The following BRD1 variants were observed in gnomAD, a reference collection of about 807,000 sequenced individuals.
The protein encoded by BRD1 is bromodomain containing 1.
Under a neutral mutation model 107.7 loss-of-function variants are expected in BRD1, and 24 were observed. That is an observed-to-expected ratio of 0.22 (90% CI 0.16 to 0.31). BRD1 has a LOEUF of 0.31. Ranked by LOEUF, BRD1 falls within the 10% of genes least tolerant of loss-of-function variation. The pLI is 1.00. For missense variants in BRD1, 1,279 were observed against 1,638.6 expected, an observed-to-expected ratio of 0.78 and a Z score of 3.79; for synonymous variants, 744 against 686.1, an observed-to-expected ratio of 1.08 and a Z score of -1.32.
chr22:49,813,925 A>G (rs901783374), intron 2 of BRD1, among the ~76,000 whole-genome samples: 3 of 152,188 alleles, frequency 2.0e-5, no homozygotes, highest in African/African-American at 7.2e-5. Flanking sequence ...CAGACCCAGC[A>G]TGCACATGCC....
chr22:49,813,470 C>T (rs1037349834), intron 2 of BRD1, among the ~76,000 whole-genome samples: 3 of 151,768 alleles, frequency 2.0e-5, no homozygotes, highest in African/African-American at 7.3e-5. Context: ...GATCCGCCCC[C>T]CTTGGCCTCT....
intron 2 of BRD1, among the ~76,000 whole-genome samples, chr22:49,808,433 A>G (rs1461565037): frequency 6.6e-6 from 1 of 152,136 alleles, no homozygotes; most frequent in Admixed American, 6.5e-5. Flanking sequence ...AAAGACAAAT[A>G]CTGCCTGATT....
At chr22:49,788,848 A>G (rs937578744) in intron 7 of BRD1, among the ~76,000 whole-genome samples, 2 of 152,258 alleles carry the variant, frequency 1.3e-5, no homozygotes, top group African/African-American at 4.8e-5. Flanking sequence ...AATAATCCTT[A>G]GTATATATTA....
chr22:49,778,489 T>C (rs2059142830), intron 8 of BRD1, among the ~76,000 whole-genome samples: 1 of 152,192 alleles, frequency 6.6e-6, no homozygotes, highest in South Asian at 2.1e-4. Flanking sequence ...TCTCAATGTT[T>C]AAAAAATAAG....
intron 6 of BRD1, among the ~76,000 whole-genome samples, chr22:49,794,668 C>A (rs1010586656): frequency 2.0e-5 from 3 of 152,234 alleles, no homozygotes; most frequent in Non-Finnish European, 4.4e-5. Flanking sequence ...GCACGCTCCA[C>A]CAACCCAGCA....
At chr22:49,790,825 A>G (rs1209741945) in intron 7 of BRD1, among the ~76,000 whole-genome samples, 1 of 152,190 alleles carries the variant, frequency 6.6e-6, no homozygotes, top group Non-Finnish European at 1.5e-5. Flanking sequence ...TCCTTTCCTG[A>G]GGGCCACAGT....
Position 49,824,913 on chromosome 22 carries a change from G to T in BRD1, c.-14-582C>A. ...ATTCCTGCTGGGGCCAGGGGTAGGAGACAGATCACAGCCTGTCCATCCTCT... is the reference window on the plus strand; with the variant it reads ...ATTCCTGCTGGGGCCAGGGGTAGGATACAGATCACAGCCTGTCCATCCTCT... On this transcript the variant is annotated intron_variant, in intron 1 of 12. Transcript: ENST00000404760. This position sits in a 1 kb window ranked among gnomAD's most constrained non-coding sequence, Gnocchi z 5.9. 1 of 716,060 alleles carries T rather than the reference G, an allele frequency of 1.4e-6. No individual in the cohort carries two copies. The highest frequency in any genetic ancestry group is 1.7e-6 in the Non-Finnish European group (1 of 578,778). The allele number at this position is 716,060 out of a possible 1,614,324, so 44.4% of individuals were successfully genotyped here. A position where few individuals can be genotyped will look rare whatever the true frequency, so the allele number is the denominator to read the frequency against.
chr22:49,816,124 T>A (rs2059947065), intron 2 of BRD1, among the ~76,000 whole-genome samples: 1 of 152,158 alleles, frequency 6.6e-6, no homozygotes, highest in African/African-American at 2.4e-5. Context: ...CTTCAATCCA[T>A]GCCAGATACA....
intron 2 of BRD1, chr22:49,805,707 T>C (rs1373304513): frequency 3.3e-5 from 5 of 151,728 alleles, no homozygotes; most frequent in Non-Finnish European, 7.3e-5. Context: ...GTGCAGTCAA[T>C]AGCACAACAC....
chr22:49,774,850 C>G (rs756271361), intron 12 of BRD1, among the ~76,000 whole-genome samples: 1 of 152,206 alleles, frequency 6.6e-6, no homozygotes, highest in East Asian at 1.9e-4. Context: ...AGGCAGAGGT[C>G]GAGGCAAGGA....
At chr22:49,796,621 G>A (rs2059537233) in intron 6 of BRD1, among the ~76,000 whole-genome samples, 1 of 152,206 alleles carries the variant, frequency 6.6e-6, no homozygotes, top group Non-Finnish European at 1.5e-5. Context: ...GTATCCCAAA[G>A]TGCTGGGATT....
In BRD1 at chr22:49,776,056, C is replaced by A; in HGVS notation, c.3225G>T (p.Pro1075=). The A allele has an allele frequency of 6.2e-7, 1 of 1,601,352 alleles. No individual in the cohort carries two copies. Among genetic ancestry groups the A allele is most frequent in the Non-Finnish European group, 8.5e-7 (1 of 1,177,610 alleles). Residue 1075 remains proline (P), a synonymous_variant, in exon 11 of 13, where the codon CCG becomes CCT. Transcript: ENST00000404760. ...WAKCSGYPSY[P]ALIIDPKMPR... ...CCACGAGAGCCGTACTCACCAGTGC[C>A]GGGTAGGAGGGGTAGCCGCTGCACT...
rs1233442885 is a variant in BRD1 at position 49,783,374 on chromosome 22, A to G, written c.2857+4016T>C. ...AAGTAAGGGGAGAAGGAAATCAGGT[A>G]GAAAACCCAGAAATACAGAAGATGC... On this transcript the variant is annotated intron_variant, in intron 8 of 12. Coordinates refer to ENST00000404760, the MANE Select transcript of BRD1 (RefSeq NM_001304808.3). This position sits in a 1 kb window ranked among gnomAD's most constrained non-coding sequence, Gnocchi z 4.2. Among the ~76,000 whole-genome samples the G allele has an allele frequency of 6.6e-6, 1 of 152,258 alleles. No homozygotes were observed. The highest frequency in any genetic ancestry group is 1.5e-5 in the Non-Finnish European group (1 of 68,042).
Position 49,827,751 on chromosome 22 carries a change from G to A in BRD1, c.-269C>T, listed in dbSNP as rs959285698. Reference sequence around the variant, plus strand: ...CCCAGCTGGAGGCCCGGCTCGGGGGGCCCGGCCGGCGGGCGCGGGCGCGGG... The same window carrying A: ...CCCAGCTGGAGGCCCGGCTCGGGGGACCCGGCCGGCGGGCGCGGGCGCGGG... On this transcript the variant is annotated 5_prime_UTR_variant, in exon 1 of 13. Coordinates refer to ENST00000404760, the MANE Select transcript of BRD1 (RefSeq NM_001304808.3). 7.0e-6 allele frequency among the ~76,000 whole-genome samples: 1 copy of A among 143,730 alleles called. No homozygotes were observed. Among genetic ancestry groups the A allele is most frequent in the African/African-American group, 2.5e-5 (1 of 39,598 alleles). The allele number at this position is 143,730 out of a possible 152,430, so 94.3% of individuals were successfully genotyped here.
rs755515102 is a variant in BRD1 at position 49,823,459 on chromosome 22, C to A, written c.859G>T (p.Asp287Tyr). The A allele has an allele frequency of 6.2e-7, 1 of 1,609,904 alleles. No homozygotes were observed. Among genetic ancestry groups the A allele is most frequent in the Admixed American group, 1.7e-5 (1 of 60,018 alleles). Residue 287 changes from aspartate to tyrosine, a missense_variant, in exon 2 of 13, where the codon GAC (aspartate) becomes TAC (tyrosine). Physicochemically the swap from Asp to Tyr is radical, Grantham distance 160. This residue lies in a region of BRD1 where 158 missense variants were observed against 310.2 expected (regional missense o/e 0.51). Coordinates refer to ENST00000404760, the MANE Select transcript of BRD1 (RefSeq NM_001304808.3). ...GCACACACCACGTGACCCCAGCGGTCGTCATCTGTCTTTTTGAAGGCACCA... is the reference window on the plus strand; with the variant it reads ...GCACACACCACGTGACCCCAGCGGTAGTCATCTGTCTTTTTGAAGGCACCA... ...KGGAFKKTDDDRWGHVVCALW... is the reference protein window; with the variant it reads ...KGGAFKKTDDYRWGHVVCALW...
chr22:49,793,910 C>G (rs2059480212), intron 7 of BRD1, 124 bp downstream of exon 7: 8 of 1,341,306 alleles, frequency 6.0e-6, no homozygotes, highest in Non-Finnish European at 7.0e-6. Context: ...TTTTACGGAA[C>G]TGGCGCTAAC....
intron 7 of BRD1, among the ~76,000 whole-genome samples, chr22:49,788,719 CACA>C (rs922400691): frequency 3.9e-5 from 6 of 152,252 alleles, no homozygotes; most frequent in African/African-American, 9.6e-5. Context: ...GAGGCGACGC[CACA>C]ACAAGCCAAG....
At chr22:49,790,755 C>A (rs2059418906) in intron 7 of BRD1, among the ~76,000 whole-genome samples, 1 of 152,238 alleles carries the variant, frequency 6.6e-6, no homozygotes, top group Non-Finnish European at 1.5e-5. Flanking sequence ...CCGTCCTCTG[C>A]AATCCTGAAG....
chr22:49,821,904 C>T (rs1275075297), intron 2 of BRD1, among the ~76,000 whole-genome samples: 2 of 152,238 alleles, frequency 1.3e-5, no homozygotes, highest in African/African-American at 2.4e-5. Context: ...ACCGGCAGGC[C>T]CCATCTGTGC....
Sources: allele counts gnomAD v4.1 joint callset (sites outside exome capture counted in the v4.1 genomes callset), GRCh38; gene constraint gnomAD v4.1.1; regional missense constraint gnomAD v4.1.1; non-coding constraint Gnocchi (gnomAD v3.1); transcripts MANE v1.5; gene names NCBI Gene and HGNC (gene_info 2026-07-23, HGNC 2026-07-21).